SLC16A3: variants seen among roughly 807,000 people sequenced by gnomAD.
The protein encoded by SLC16A3 is monocarboxylate transporter 4.
In SLC16A3, 22 loss-of-function variants were observed where a neutral mutation model predicts 25.0. That is an observed-to-expected ratio of 0.88 (90% CI 0.63 to 1.26). SLC16A3 has a LOEUF of 1.26. Ranked by LOEUF, SLC16A3 falls within the 50% of genes most tolerant of loss-of-function variation. The pLI, the probability that SLC16A3 is intolerant of heterozygous loss-of-function variation, is 0.00. For synonymous variants in SLC16A3, 390 were observed against 309.2 expected, an observed-to-expected ratio of 1.26 and a Z score of -2.74; for missense variants, 731 against 666.6, an observed-to-expected ratio of 1.10 and a Z score of -1.06.
At chr17:82,236,266 G>A (rs1252758397) in intron 2 of SLC16A3, 35 bp downstream of exon 2, 1 of 1,586,736 alleles carries the variant, frequency 6.3e-7, no homozygotes, top group East Asian at 2.2e-5. Flanking sequence ...CCCTGTCCGG[G>A]GCTCTGCTGG....
rs771293717 is a variant in SLC16A3, at chr17:82,237,600, C to T, written c.830C>T (p.Ala277Val). 16 of 1,612,316 alleles carry T rather than the reference C, an allele frequency of 9.9e-6. No homozygotes were observed. Among genetic ancestry groups the T allele is most frequent in the African/African-American group, 2.7e-5 (2 of 74,920 alleles). Residue 277 changes from alanine to valine, a missense_variant, in exon 4 of 5, where the codon GCG becomes GTG. Physicochemically the swap from Ala to Val is moderately conservative, Grantham distance 64. Coordinates refer to ENST00000582743, the MANE Select transcript of SLC16A3 (RefSeq NM_004207.4). Reference sequence around the variant, plus strand: ...ATCCTGGGCTTCATTGACATCTTCGCGCGGCCGGCCGCGGGCTTCGTGGCG... The same window carrying T: ...ATCCTGGGCTTCATTGACATCTTCGTGCGGCCGGCCGCGGGCTTCGTGGCG... ...LTILGFIDIF[A>V]RPAAGFVAGL...
At chr17:82,236,583 G>T in intron 2 of SLC16A3, 146 bp from the exon 3 acceptor site, 1 of 1,199,054 alleles carries the variant, frequency 8.3e-7, no homozygotes, top group Non-Finnish European at 1.2e-6. Context: ...TGCGCTCGGG[G>T]AGCCTGCCCA....
intron 1 of SLC16A3, chr17:82,235,663 G>T: frequency 2.5e-6 from 1 of 393,988 alleles, no homozygotes; most frequent in Non-Finnish European, 4.8e-6. Context: ...AGAAATGACG[G>T]CCAGGTCGAT....
Position 82,218,429 on chromosome 17 carries a change from G to A in SLC16A3, c.-27+245G>A, listed in dbSNP as rs551626600. Among the ~76,000 whole-genome samples the A allele has an allele frequency of 3.8e-3, 574 of 150,122 alleles. 2 individuals are homozygous for A. The highest frequency in any genetic ancestry group is 0.01 in the Middle Eastern group (3 of 290). ...GCCCAGCCTCGGTCACTGCGGGGTG[G>A]ACGGCCAAGGGGAGCCCAGCCTCGG... On this transcript the variant is annotated intron_variant, in intron 1 of 4. Transcript: ENST00000580098.
intron 1 of SLC16A3, chr17:82,230,269 C>G (rs1434514523): frequency 6.6e-6 from 1 of 152,590 alleles, no homozygotes; most frequent in Non-Finnish European, 1.5e-5. Context: ...GGGGTGTCTG[C>G]CCCCAGAGAG....
rs1009295208 is a variant in SLC16A3, at chr17:82,237,836, A to G, written c.1066A>G (p.Ile356Val). 1.2e-6 allele frequency: 2 copies of G among 1,607,548 alleles called. No individual in the cohort carries two copies. Among genetic ancestry groups the G allele is most frequent in the Middle Eastern group, 1.7e-4 (1 of 6,052 alleles). Residue 356 changes from isoleucine (I) to valine (V), a missense_variant, in exon 4 of 5, where the codon ATT becomes GTT. Transcript: ENST00000582743. ...GGGCACCCACAAGTTCTCCAGTGCCATTGGCCTGGTGCTGCTGATGGAGGC... is the reference window on the plus strand; with the variant it reads ...GGGCACCCACAAGTTCTCCAGTGCCGTTGGCCTGGTGCTGCTGATGGAGGC... ...IVGTHKFSSAIGLVLLMEAVA... is the reference protein window; with the variant it reads ...IVGTHKFSSAVGLVLLMEAVA...
At chr17:82,227,051 A>G (rs562915976), upstream of SLC16A3, among the ~76,000 whole-genome samples, 50 of 152,152 alleles carry the variant, frequency 3.3e-4, no homozygotes, top group African/African-American at 1.1e-3. Context: ...CTCTGAGGGC[A>G]GGGAGGCTCC....
chr17:82,238,686 CGGG>C lies in SLC16A3; in HGVS notation c.1124-14_1124-12del, dbSNP rs748023771. ...AGCCCGCATGAGCGGCTGGGACTGA[CGGG>C]GTCTTCCCGCAGGCAAACTCCTGGA... On this transcript the variant is annotated splice_polypyrimidine_tract_variant and intron_variant, in intron 4 of 4. Coordinates refer to ENST00000582743, the MANE Select transcript of SLC16A3 (RefSeq NM_004207.4). The C allele has an allele frequency of 6.2e-7, 1 of 1,600,230 alleles. No homozygotes were observed. The highest frequency in any genetic ancestry group is 8.5e-7 in the Non-Finnish European group (1 of 1,173,314).
chr17:82,230,896 C>T (rs1475871728), intron 1 of SLC16A3: 1 of 152,278 alleles, frequency 6.6e-6, no homozygotes, highest in South Asian at 2.1e-4. Context: ...GCTCCTGCTC[C>T]GAGACCCGCA....
chr17:82,233,461 G>A (rs2050533219), intron 1 of SLC16A3, among the ~76,000 whole-genome samples: 3 of 152,078 alleles, frequency 2.0e-5, no homozygotes, highest in Non-Finnish European at 4.4e-5. Flanking sequence ...ACTAATTCAG[G>A]GGCGCCGCGT....
At chr17:82,233,394 G>T (rs1333722418) in intron 1 of SLC16A3, among the ~76,000 whole-genome samples, 1 of 152,176 alleles carries the variant, frequency 6.6e-6, no homozygotes, top group East Asian at 1.9e-4. Context: ...AACATGCTGT[G>T]CTCTCCTGGT....
At chr17:82,236,304 G>A in intron 2 of SLC16A3, 73 bp downstream of exon 2, 1 of 1,409,232 alleles carries the variant, frequency 7.1e-7, no homozygotes, top group Non-Finnish European at 9.9e-7. Context: ...GTGTAGCTGG[G>A]CTCAGCAACA....
chr17:82,220,703 T>C (rs560269472), intron 1 of SLC16A3, among the ~76,000 whole-genome samples: 4 of 152,170 alleles, frequency 2.6e-5, no homozygotes, highest in African/African-American at 9.7e-5. Flanking sequence ...CAAAGAATAA[T>C]GCTGGATCCC....
chr17:82,222,805 A>G (rs941346960), intron 1 of SLC16A3, among the ~76,000 whole-genome samples: 2,757 of 57,804 alleles, frequency 0.048, 83 homozygotes, highest in African/African-American at 0.1. Flanking sequence ...CTCCGTCTCA[A>G]AAAAAAAAAA....
chr17:82,235,835 G>C (rs2050586820), intron 1 of SLC16A3, 148 bp from the exon 2 acceptor site: 2 of 615,984 alleles, frequency 3.2e-6, no homozygotes, highest in Non-Finnish European at 5.7e-6. Flanking sequence ...GCCTCCACCA[G>C]ACACCAGGTC....
chr17:82,237,301 G>A lies in SLC16A3; in HGVS notation c.531G>A (p.Arg177=), dbSNP rs766380530. 17 of 1,554,882 alleles carry A rather than the reference G, an allele frequency of 1.1e-5. No homozygotes were observed. Among genetic ancestry groups the A allele is most frequent in the Admixed American group, 1.9e-5 (1 of 51,994 alleles). Residue 177 remains arginine, a synonymous_variant, in exon 4 of 5, where the codon CGG becomes CGA. Transcript: ENST00000582743. ...TGCTGCAGGACCGCTACGGCTGGCGGGGCGGCTTCCTCATCCTGGGCGGCC... is the reference window on the plus strand; with the variant it reads ...TGCTGCAGGACCGCTACGGCTGGCGAGGCGGCTTCCTCATCCTGGGCGGCC... The part of the protein sequence containing the change: ...GQLLQDRYGW[R]GGFLILGGLL...
intron 1 of SLC16A3, chr17:82,231,206 C>T (rs1392070606): frequency 2.6e-5 from 4 of 152,174 alleles, no homozygotes; most frequent in African/African-American, 7.2e-5. Flanking sequence ...CCCGCCCAGC[C>T]TCGACCACCC....
chr17:82,238,966 CAAGTGTCT>C lies in SLC16A3; in HGVS notation c.1389_1396del (p.Val465GlyfsTer172). ...GGGGAGGTGGTTCACACCCCGGAAACAAGTGTCTGAGTGGCTGGGCGGGGCCGGCAGGC... is the reference window on the plus strand; with the variant it reads ...GGGGAGGTGGTTCACACCCCGGAAACGAGTGGCTGGGCGGGGCCGGCAGGC... On this transcript the variant is annotated frameshift_variant and stop_lost, in exon 5 of 5. Transcript: ENST00000582743. LOFTEE classifies it high-confidence loss of function. 1.3e-6 allele frequency: 2 copies of C among 1,534,484 alleles called. No homozygotes were observed. The highest frequency in any genetic ancestry group is 2.5e-5 in the South Asian group (2 of 78,816).
intron 1 of SLC16A3, chr17:82,233,845 T>A (rs1353288214): frequency 6.8e-6 from 1 of 146,026 alleles, no homozygotes; most frequent in Non-Finnish European, 1.5e-5. Context: ...TTTTTATTTT[T>A]TTATTTTTTT....
Sources: allele counts gnomAD v4.1 joint callset (sites outside exome capture counted in the v4.1 genomes callset), GRCh38; gene constraint gnomAD v4.1.1; transcripts MANE v1.5; gene names NCBI Gene and HGNC (gene_info 2026-07-23, HGNC 2026-07-21).